HIP1: variants seen among roughly 807,000 people sequenced by gnomAD.
HIP1 encodes huntingtin-interacting protein 1.
HIP1 carries 65 observed loss-of-function variants against 147.6 expected under a neutral mutation model. The ratio of observed to expected loss-of-function variants is 0.44; its 90% CI spans 0.36 to 0.54. HIP1 has a LOEUF of 0.54. Ranked by LOEUF, HIP1 falls within the 20% of genes least tolerant of loss-of-function variation. HIP1 has a pLI of 0.00. For missense variants in HIP1, 1,061 were observed against 1,299.6 expected (o/e 0.82, Z 2.82); for synonymous variants, 479 against 504.0 (o/e 0.95, Z 0.67).
chr7:75,561,345 T>C lies in HIP1; in HGVS notation c.1175A>G (p.Glu392Gly), dbSNP rs1795221866. ...AAGTTATACCTCAGTCTTCATGTTT[T>C]CTAGCTGTGCCTTCAATCCACTGAT... ...REISGLKAQL[E>G]NMKTESQRVV... Residue 392 changes from glutamate to glycine, a missense_variant, in exon 13 of 31, where the codon GAA becomes GGA. Physicochemically the swap from Glu to Gly is moderately conservative, Grantham distance 98. This residue lies in a region of HIP1 where 810 missense variants were observed against 946.8 expected (regional missense o/e 0.86). Transcript: ENST00000336926. The C allele has an allele frequency of 2.5e-6, 4 of 1,611,974 alleles. No individual in the cohort carries two copies. Among genetic ancestry groups the C allele is most frequent in the African/African-American group, 1.3e-5 (1 of 74,910 alleles).
chr7:75,559,611 G>GTC, intron 14 of HIP1, 121 bp downstream of exon 14: 2 of 824,406 alleles, frequency 2.4e-6, no homozygotes, highest in Non-Finnish European at 3.7e-6. Context: ...ATTCCTAGCT[G>GTC]TTTCTAGAAA....
chr7:75,578,523 C>G (rs1554498091), intron 7 of HIP1, among the ~76,000 whole-genome samples: 1 of 151,990 alleles, frequency 6.6e-6, no homozygotes, highest in Non-Finnish European at 1.5e-5. Flanking sequence ...AAAAAGTACA[C>G]AAAAATTAGC....
At chr7:75,620,765 C>T (rs587647595) in intron 1 of HIP1, among the ~76,000 whole-genome samples, 24 of 152,036 alleles carry the variant, frequency 1.6e-4, no homozygotes, top group East Asian at 3.9e-4. Context: ...TCTGTCCTCA[C>T]GGAGCTTATA....
At chr7:75,553,663 T>G in intron 21 of HIP1, 74 bp from the exon 22 acceptor site, 1 of 1,420,102 alleles carries the variant, frequency 7.0e-7, no homozygotes, top group Non-Finnish European at 9.7e-7. Context: ...TGGAGTGCAG[T>G]GGCGCCATCT....
At chr7:75,599,990 C>A (rs1484044108) in intron 1 of HIP1, among the ~76,000 whole-genome samples, 1 of 151,726 alleles carries the variant, frequency 6.6e-6, no homozygotes, top group African/African-American at 2.4e-5. Context: ...CACCCGCCAT[C>A]AAACCCGGCT....
At chr7:75,639,731 G>T (rs971037505) in intron 1 of HIP1, among the ~76,000 whole-genome samples, 2 of 152,112 alleles carry the variant, frequency 1.3e-5, no homozygotes, top group Non-Finnish European at 2.9e-5. Context: ...CGACATTCCA[G>T]TGGGGGCAGG....
At chr7:75,713,379 CAAGTCTT>C (rs1384031699) in intron 1 of HIP1, among the ~76,000 whole-genome samples, 3 of 152,130 alleles carry the variant, frequency 2.0e-5, no homozygotes, top group African/African-American at 7.2e-5. Context: ...GACTGACTGC[CAAGTCTT>C]ACTAGTATCC....
intron 1 of HIP1, among the ~76,000 whole-genome samples, chr7:75,690,602 C>A (rs918049661): frequency 1.3e-5 from 2 of 152,090 alleles, no homozygotes; most frequent in African/African-American, 4.8e-5. Flanking sequence ...GTGGCTCATG[C>A]CTGTAATCCC....
At chr7:75,687,570 A>G (rs2117287873) in intron 1 of HIP1, among the ~76,000 whole-genome samples, 1 of 152,304 alleles carries the variant, frequency 6.6e-6, no homozygotes, top group South Asian at 2.1e-4. Context: ...GGGCACCTGT[A>G]ATCCCAGCTA....
Position 75,559,769 on chromosome 7 carries a change from G to A in HIP1, c.1338C>T (p.Asp446=). The change falls in exon 14 of 31, where the codon GAC becomes GAT. Residue 446 remains aspartate, a synonymous_variant. Transcript: ENST00000336926. The part of the protein sequence containing the change: ...ELDELRRQRE[D]TEKAQRSLSE... ...ACAGGCTCCGCTGAGCCTTCTCGGT[G>A]TCCTCCCGCTGCCTCCTGAGCTCGT... 6.2e-7 allele frequency: 1 copy of A among 1,607,046 alleles called. No homozygotes were observed. The highest frequency in any genetic ancestry group is 8.5e-7 in the Non-Finnish European group (1 of 1,178,782).
intron 22 of HIP1, among the ~76,000 whole-genome samples, chr7:75,550,922 G>A (rs1554492001): frequency 6.6e-6 from 1 of 152,086 alleles, no homozygotes; most frequent in Non-Finnish European, 1.5e-5. Flanking sequence ...GTGCATATAT[G>A]ATCATAGGGG....
Position 75,568,158 on chromosome 7 carries a change from C to T in HIP1, c.803+41G>A, listed in dbSNP as rs1554495919. ...TGCATGGCTTAATGATTTTATAGCG[C>T]TCTTGAATTCACCTCCATTCCTGTT... On this transcript the variant is annotated intron_variant, in intron 9 of 30. Transcript: ENST00000336926. The surrounding 1 kb of genome is among the most constrained non-coding windows in gnomAD (Gnocchi z 4.1). The T allele has an allele frequency of 1.4e-6, 2 of 1,406,102 alleles. No individual in the cohort carries two copies. The highest frequency in any genetic ancestry group is 2.0e-6 in the Non-Finnish European group (2 of 990,388). The allele number at this position is 1,406,102 out of a possible 1,614,324, so 87.1% of individuals were successfully genotyped here.
intron 1 of HIP1, among the ~76,000 whole-genome samples, chr7:75,619,630 C>T (rs1470795192): frequency 6.6e-6 from 1 of 151,832 alleles, no homozygotes; most frequent in Admixed American, 6.6e-5. Flanking sequence ...GACAAGTATA[C>T]CTTGATGTAA....
chr7:75,570,379 C>T (rs587701499), intron 8 of HIP1, among the ~76,000 whole-genome samples: 2 of 151,222 alleles, frequency 1.3e-5, no homozygotes, highest in East Asian at 3.9e-4. Flanking sequence ...GCAAGCTCCA[C>T]CTCCAGGGCT....
chr7:75,573,335 A>G (rs1554497033), intron 8 of HIP1, among the ~76,000 whole-genome samples: 1 of 152,192 alleles, frequency 6.6e-6, no homozygotes, highest in African/African-American at 2.4e-5. Flanking sequence ...TCGACAGGAC[A>G]ACCTGCCTAC....
chr7:75,584,010 G>A (rs587597371), intron 5 of HIP1, among the ~76,000 whole-genome samples: 1 of 151,980 alleles, frequency 6.6e-6, no homozygotes, highest in East Asian at 1.9e-4. Context: ...GCCCAGGCTG[G>A]AGTGCAATGG....
intron 1 of HIP1, among the ~76,000 whole-genome samples, chr7:75,663,529 G>A (rs1025953514): frequency 2.0e-5 from 3 of 151,966 alleles, no homozygotes; most frequent in Non-Finnish European, 4.4e-5. Flanking sequence ...TCAATTCAGG[G>A]TGTTTGCCAG....
chr7:75,583,177 C>A (rs1796122180), intron 5 of HIP1, among the ~76,000 whole-genome samples: 1 of 152,238 alleles, frequency 6.6e-6, no homozygotes, highest in East Asian at 1.9e-4. Context: ...CATCTCTCTG[C>A]CTGCCTTTGC....
chr7:75,737,621 C>G (rs1180746479), intron 1 of HIP1, among the ~76,000 whole-genome samples: 4 of 152,290 alleles, frequency 2.6e-5, no homozygotes, highest in African/African-American at 9.6e-5. Context: ...GCTGGGATTA[C>G]AGGTGTGAGG....
Sources: gnomAD v4.1 joint callset for allele counts (sites outside exome capture counted in the v4.1 genomes callset) on GRCh38, gnomAD v4.1.1 for gene constraint, gnomAD v4.1.1 regional missense constraint, Gnocchi (gnomAD v3.1) non-coding constraint, MANE v1.5 for transcripts, NCBI Gene and HGNC (gene_info 2026-07-23, HGNC 2026-07-21) for gene names.